Variants in MACROD2 observed in about 807,000 individuals in gnomAD.
MACROD2 encodes mono-ADP ribosylhydrolase 2.
In MACROD2, 36 loss-of-function variants were observed where a neutral mutation model predicts 70.4. That is an observed-to-expected ratio of 0.51 (90% confidence interval 0.39 to 0.68). The LOEUF is 0.68. Among genes scored for constraint, MACROD2 ranks in the 30% least tolerant of loss-of-function variants. MACROD2 has a pLI of 0.00. For synonymous variants in MACROD2, 172 were observed against 178.8 expected (o/e 0.96, Z 0.30); for missense variants, 496 against 538.4 (o/e 0.92, Z 0.78).
chr20:14,226,190 T>C (rs1275743988), intron 3 of MACROD2, among the ~76,000 whole-genome samples: 1 of 152,210 alleles, frequency 6.6e-6, no homozygotes, highest in Admixed American at 6.5e-5. Flanking sequence ...GGTGCCCCTG[T>C]CTTTAGCAGA....
At chr20:15,918,881 G>A (rs2065359566) in intron 10 of MACROD2, among the ~76,000 whole-genome samples, 1 of 152,136 alleles carries the variant, frequency 6.6e-6, no homozygotes, top group Admixed American at 6.5e-5. Flanking sequence ...TTAAATGACT[G>A]ATCCTAGAAC....
At chr20:14,820,943 G>A (rs760846519) in intron 5 of MACROD2, among the ~76,000 whole-genome samples, 3 of 152,002 alleles carry the variant, frequency 2.0e-5, no homozygotes, top group Admixed American at 1.3e-4. Flanking sequence ...AAAGCCTCCG[G>A]AACCGTAAAC....
At chr20:16,046,419 A>G (rs1429869824) in intron 17 of MACROD2, among the ~76,000 whole-genome samples, 2 of 152,058 alleles carry the variant, frequency 1.3e-5, no homozygotes, top group Non-Finnish European at 2.9e-5. Context: ...ATTAAAAAGT[A>G]ATGAAATGAG....
At chr20:14,899,217 G>A (rs2073866887) in intron 5 of MACROD2, among the ~76,000 whole-genome samples, 1 of 152,176 alleles carries the variant, frequency 6.6e-6, no homozygotes, top group South Asian at 2.1e-4. Context: ...TTTAAAATCA[G>A]TGTCACTTTC....
At chr20:14,221,573 G>T (rs1400237579) in intron 3 of MACROD2, among the ~76,000 whole-genome samples, 2 of 152,100 alleles carry the variant, frequency 1.3e-5, no homozygotes, top group Non-Finnish European at 2.9e-5. Flanking sequence ...CATTGCTGTA[G>T]GCAAGGAACT....
intron 8 of MACROD2, among the ~76,000 whole-genome samples, chr20:15,639,471 C>T (rs1051267315): frequency 1.3e-5 from 2 of 152,120 alleles, no homozygotes; most frequent in African/African-American, 4.8e-5. Context: ...CTCCTCAGCC[C>T]CCACTGTAGT....
intron 8 of MACROD2, among the ~76,000 whole-genome samples, chr20:15,657,315 T>C (rs911101742): frequency 3.3e-5 from 5 of 152,196 alleles, no homozygotes; most frequent in African/African-American, 1.2e-4. Flanking sequence ...TTCCAAGCCT[T>C]AGAGCATAAG....
At chr20:14,586,975 A>G (rs1217754216) in intron 4 of MACROD2, among the ~76,000 whole-genome samples, 3 of 151,998 alleles carry the variant, frequency 2.0e-5, no homozygotes, top group Non-Finnish European at 4.4e-5. Context: ...AATTATTTCA[A>G]GTTTCAAAAT....
intron 9 of MACROD2, among the ~76,000 whole-genome samples, chr20:15,875,929 GA>G (rs989240432): frequency 1.0e-4 from 15 of 150,256 alleles, no homozygotes; most frequent in Admixed American, 6.6e-5. Context: ...AAATGCAGGG[GA>G]AAAAAAAGTC....
intron 6 of MACROD2, among the ~76,000 whole-genome samples, chr20:15,316,389 G>A (rs1044427420): frequency 2.6e-5 from 4 of 151,998 alleles, no homozygotes; most frequent in African/African-American, 9.7e-5. Context: ...AAGAAAGCCA[G>A]GGTGGCTCTA....
At chr20:14,934,957 A>C (rs1427451716) in intron 5 of MACROD2, 7 of 151,784 alleles carry the variant, frequency 4.6e-5, no homozygotes, top group Admixed American at 4.6e-4. Context: ...CTCTTCCTCC[A>C]CTCTCCTGAG....
intron 5 of MACROD2, among the ~76,000 whole-genome samples, chr20:14,927,209 G>T (rs1014088401): frequency 3.9e-5 from 6 of 152,162 alleles, no homozygotes; most frequent in African/African-American, 1.4e-4. Context: ...GGGAAAAAAT[G>T]TTGTTACAGC....
At chr20:15,485,142 A>G (rs755324735) in intron 7 of MACROD2, among the ~76,000 whole-genome samples, 4 of 151,638 alleles carry the variant, frequency 2.6e-5, no homozygotes, top group African/African-American at 4.8e-5. Flanking sequence ...GAAAAAGATC[A>G]TGTGCTGGCT....
intron 12 of MACROD2, among the ~76,000 whole-genome samples, chr20:15,952,620 C>T (rs2065921747): frequency 6.6e-6 from 1 of 152,140 alleles, no homozygotes; most frequent in South Asian, 2.1e-4. Context: ...GCACGTACAT[C>T]TCCCTCTTCT....
At chr20:14,327,547 T>G in intron 3 of MACROD2, 2 of 1,559,238 alleles carry the variant, frequency 1.3e-6, no homozygotes, top group South Asian at 2.5e-5. Flanking sequence ...TAGCTTCCGT[T>G]ACTTCAGAAC....
intron 4 of MACROD2, among the ~76,000 whole-genome samples, chr20:14,603,845 T>C (rs1167452640): frequency 6.6e-6 from 1 of 152,172 alleles, no homozygotes; most frequent in Non-Finnish European, 1.5e-5. Context: ...CTGGGTATTA[T>C]TCTTATTTAA....
chr20:14,272,454 T>G (rs2082204855), intron 3 of MACROD2, among the ~76,000 whole-genome samples: 1 of 151,920 alleles, frequency 6.6e-6, no homozygotes, highest in Admixed American at 6.6e-5. Flanking sequence ...TGAGAGATTT[T>G]GTCACCACCA....
At chr20:14,695,860 A>G (rs2071119427) in intron 5 of MACROD2, among the ~76,000 whole-genome samples, 1 of 152,250 alleles carries the variant, frequency 6.6e-6, no homozygotes, top group Non-Finnish European at 1.5e-5. Flanking sequence ...TGGCCTGCAG[A>G]AACTGTGAGA....
intron 9 of MACROD2, among the ~76,000 whole-genome samples, chr20:15,863,868 T>C (rs1427599795): frequency 6.6e-6 from 1 of 152,208 alleles, no homozygotes; most frequent in African/African-American, 2.4e-5. Flanking sequence ...TCTCTGCTAA[T>C]GCCCTAAATG....
Sources: allele counts gnomAD v4.1 joint callset (sites outside exome capture counted in the v4.1 genomes callset), GRCh38; gene constraint gnomAD v4.1.1; transcripts MANE v1.5; gene names NCBI Gene and HGNC (gene_info 2026-07-23, HGNC 2026-07-21).